KIAA0825: variants seen among roughly 807,000 people sequenced by gnomAD.
KIAA0825 encodes KIAA0825.
In KIAA0825, 119 loss-of-function variants were observed where a neutral mutation model predicts 147.6. The observed-to-expected ratio is 0.81, with a 90% confidence interval of 0.69 to 0.94. The LOEUF (loss-of-function observed/expected upper bound fraction) is 0.94, where lower values mean the gene tolerates loss of function less well. KIAA0825 is among the 40% of genes least tolerant of loss of function. The probability of loss-of-function intolerance (pLI) is 0.00; values close to 1 mark genes in which losing one functional copy is unlikely to be tolerated. For missense variants in KIAA0825, 1,381 were observed against 1,472.7 expected (o/e 0.94, Z 1.02); for synonymous variants, 470 against 518.1 (o/e 0.91, Z 1.26).
chr5:94,332,232 T>G (rs1424530656), intron 20 of KIAA0825, among the ~76,000 whole-genome samples: 3 of 151,622 alleles, frequency 2.0e-5, no homozygotes, highest in South Asian at 2.1e-4. Context: ...TCTTTCTTTT[T>G]TTTTTTAAAT....
intron 20 of KIAA0825, among the ~76,000 whole-genome samples, chr5:94,241,461 C>G (rs564513086): frequency 6.6e-6 from 1 of 152,260 alleles, no homozygotes; most frequent in South Asian, 2.1e-4. Flanking sequence ...TTCTTATTTT[C>G]CCAGACATTT....
chr5:94,440,156 G>A (rs765277052), intron 13 of KIAA0825, 35 bp from the exon 14 acceptor site: 2 of 1,542,120 alleles, frequency 1.3e-6, no homozygotes, highest in South Asian at 2.4e-5. Flanking sequence ...GAGTAATGAA[G>A]TTAATTTATC....
At chr5:94,398,120 T>C (rs919941732) in intron 16 of KIAA0825, among the ~76,000 whole-genome samples, 2 of 152,120 alleles carry the variant, frequency 1.3e-5, no homozygotes, top group African/African-American at 4.8e-5. Flanking sequence ...TTCTCATTGC[T>C]GGGGCCAACT....
chr5:94,388,610 C>T (rs1357910073), intron 18 of KIAA0825, among the ~76,000 whole-genome samples: 1 of 152,156 alleles, frequency 6.6e-6, no homozygotes, highest in Non-Finnish European at 1.5e-5. Context: ...ACTGATTTCG[C>T]CTTACGTAAC....
chr5:94,277,343 T>G (rs1314718488), intron 20 of KIAA0825, among the ~76,000 whole-genome samples: 2 of 151,946 alleles, frequency 1.3e-5, no homozygotes, highest in Non-Finnish European at 2.9e-5. Flanking sequence ...GGGAGAAAAT[T>G]TTTGCAATCT....
At chr5:94,387,301 TC>T (rs1158922330) in intron 18 of KIAA0825, among the ~76,000 whole-genome samples, 1 of 152,212 alleles carries the variant, frequency 6.6e-6, no homozygotes, top group Non-Finnish European at 1.5e-5. Context: ...CCTGTGCTAC[TC>T]AAAGTCTGGG....
chr5:94,451,638 G>A (rs1341528988), intron 13 of KIAA0825, among the ~76,000 whole-genome samples: 3 of 152,290 alleles, frequency 2.0e-5, no homozygotes, highest in African/African-American at 7.2e-5. Context: ...GTTAATATAA[G>A]AATTAGTGTT....
intron 5 of KIAA0825, 46 bp downstream of exon 5, chr5:94,520,202 T>G (rs749617635): frequency 1.3e-6 from 2 of 1,491,792 alleles, no homozygotes; most frequent in Non-Finnish European, 1.8e-6. Context: ...TTAAACATAT[T>G]AAAAGACTTA....
chr5:94,223,420 T>C (rs1773843311), intron 20 of KIAA0825, among the ~76,000 whole-genome samples: 1 of 152,192 alleles, frequency 6.6e-6, no homozygotes, highest in Non-Finnish European at 1.5e-5. Context: ...TTGTCAGCTC[T>C]CATTTCAGTC....
At chr5:94,391,459 TA>T in intron 18 of KIAA0825, 75 bp downstream of exon 18, 1 of 1,442,050 alleles carries the variant, frequency 6.9e-7, no homozygotes, top group Non-Finnish European at 9.5e-7. Flanking sequence ...CCTCCTTGAC[TA>T]ACCCTTAGCT....
At chr5:94,166,141 C>A (rs1252599170) in intron 20 of KIAA0825, among the ~76,000 whole-genome samples, 1 of 151,938 alleles carries the variant, frequency 6.6e-6, no homozygotes, top group Non-Finnish European at 1.5e-5. Flanking sequence ...ACCTATGTAG[C>A]CACAAAAATT....
intron 1 of KIAA0825, chr5:94,593,780 G>C (rs904228139): frequency 5.8e-5 from 20 of 343,154 alleles, no homozygotes; most frequent in Admixed American, 3.0e-4. Flanking sequence ...CATTTCCAAA[G>C]TAGGGAGTTT....
chr5:94,588,754 C>A (rs1181687963), intron 1 of KIAA0825, among the ~76,000 whole-genome samples: 1 of 152,154 alleles, frequency 6.6e-6, no homozygotes. Flanking sequence ...TTTACTGTGG[C>A]ACTATTCACA....
At chr5:94,496,481 A>G (rs1764371485) in intron 5 of KIAA0825, among the ~76,000 whole-genome samples, 2 of 152,226 alleles carry the variant, frequency 1.3e-5, no homozygotes, top group African/African-American at 4.8e-5. Flanking sequence ...GTTATAGATT[A>G]CTGACACACA....
chr5:94,395,802 G>A (rs1750573299), intron 17 of KIAA0825, among the ~76,000 whole-genome samples: 1 of 152,054 alleles, frequency 6.6e-6, no homozygotes, highest in South Asian at 2.1e-4. Flanking sequence ...ACACTGAAAA[G>A]GGGTGAAACT....
intron 7 of KIAA0825, among the ~76,000 whole-genome samples, chr5:94,475,332 A>G (rs1761745853): frequency 6.6e-6 from 1 of 152,208 alleles, no homozygotes; most frequent in Non-Finnish European, 1.5e-5. Context: ...TATTCCTTCA[A>G]GCAAATATGT....
At chr5:94,180,267 G>T (rs1004081130) in intron 20 of KIAA0825, among the ~76,000 whole-genome samples, 3 of 151,800 alleles carry the variant, frequency 2.0e-5, no homozygotes, top group Admixed American at 1.3e-4. Flanking sequence ...ATCCAATCAC[G>T]AGAAACCATC....
At chr5:94,331,564 C>A (rs1466354936) in intron 20 of KIAA0825, among the ~76,000 whole-genome samples, 1 of 152,126 alleles carries the variant, frequency 6.6e-6, no homozygotes, top group Non-Finnish European at 1.5e-5. Context: ...ACTCTGCAAA[C>A]CCTGCTTTGC....
intron 20 of KIAA0825, among the ~76,000 whole-genome samples, chr5:94,292,084 T>C (rs1448956141): frequency 6.6e-6 from 1 of 152,206 alleles, no homozygotes; most frequent in African/African-American, 2.4e-5. Context: ...CTCTTCCTAT[T>C]TGAATACCCA....
Sources: gnomAD v4.1 joint callset for allele counts (sites outside exome capture counted in the v4.1 genomes callset) on GRCh38, gnomAD v4.1.1 for gene constraint, MANE v1.5 for transcripts, NCBI Gene and HGNC (gene_info 2026-07-23, HGNC 2026-07-21) for gene names.